The following TANGO6 variants were observed in gnomAD, a reference collection of about 807,000 sequenced individuals.
TANGO6 encodes the protein transport and golgi organization 6 homolog.
TANGO6 carries 90 observed loss-of-function variants against 114.2 expected under a neutral mutation model. The observed-to-expected ratio is 0.79, with a 90% CI of 0.66 to 0.94. The LOEUF is 0.94. TANGO6 is among the 40% of genes least tolerant of loss of function. The probability of loss-of-function intolerance (pLI) is 0.00; values close to 1 mark genes in which losing one functional copy is unlikely to be tolerated. For synonymous variants in TANGO6, 477 were observed against 509.8 expected (o/e 0.94, Z 0.87); for missense variants, 1,274 against 1,315.3 (o/e 0.97, Z 0.49).
At chr16:68,874,445 A>C (rs1209921950) in intron 4 of TANGO6, among the ~76,000 whole-genome samples, 1 of 152,104 alleles carries the variant, frequency 6.6e-6, no homozygotes, top group Non-Finnish European at 1.5e-5. Context: ...ATTTTGTCCA[A>C]TTTTATAATT....
intron 9 of TANGO6, among the ~76,000 whole-genome samples, chr16:68,906,698 C>T (rs570006995): frequency 6.6e-6 from 1 of 152,128 alleles, no homozygotes; most frequent in African/African-American, 2.4e-5. Context: ...GTCTCCCTGC[C>T]TCAGCCTCCT....
At chr16:68,984,142 G>T (rs559297576) in intron 15 of TANGO6, among the ~76,000 whole-genome samples, 1 of 152,230 alleles carries the variant, frequency 6.6e-6, no homozygotes, top group South Asian at 2.1e-4. Context: ...TTGGAAGTGT[G>T]AATAATTGGA....
intron 17 of TANGO6, among the ~76,000 whole-genome samples, chr16:69,074,703 G>A (rs542231906): frequency 5.5e-4 from 83 of 151,676 alleles, no homozygotes; most frequent in African/African-American, 1.7e-3. Flanking sequence ...ACATCTAGAG[G>A]TTAGGAATAC....
chr16:69,033,058 C>T (rs1422434255), intron 16 of TANGO6, among the ~76,000 whole-genome samples: 2 of 151,708 alleles, frequency 1.3e-5, no homozygotes, highest in Non-Finnish European at 2.9e-5. Context: ...TGGTGGCAGG[C>T]ACCTGTAATC....
chr16:69,056,564 G>A (rs187309330), intron 17 of TANGO6, among the ~76,000 whole-genome samples: 9 of 149,560 alleles, frequency 6.0e-5, no homozygotes, highest in Admixed American at 2.0e-4. Context: ...AGAAGTCTGC[G>A]AAGTCCTGCA....
chr16:69,003,207 G>A (rs988843317), intron 15 of TANGO6, among the ~76,000 whole-genome samples: 4 of 152,118 alleles, frequency 2.6e-5, no homozygotes, highest in African/African-American at 9.7e-5. Context: ...GATGCACAAG[G>A]TGTCTCCAAA....
intron 15 of TANGO6, among the ~76,000 whole-genome samples, chr16:69,002,730 C>G (rs151027464): frequency 6.6e-6 from 1 of 152,040 alleles, no homozygotes; most frequent in Non-Finnish European, 1.5e-5. Flanking sequence ...GATTTTTAAC[C>G]ATAGAGCACT....
intron 15 of TANGO6, among the ~76,000 whole-genome samples, chr16:68,988,360 C>A (rs999449161): frequency 6.6e-6 from 1 of 152,180 alleles, no homozygotes; most frequent in Non-Finnish European, 1.5e-5. Flanking sequence ...TTTTCTCCTG[C>A]CGCCTCAGAG....
intron 1 of TANGO6, among the ~76,000 whole-genome samples, chr16:68,849,015 A>G (rs1057179175): frequency 6.6e-6 from 1 of 152,136 alleles, no homozygotes; most frequent in Non-Finnish European, 1.5e-5. Flanking sequence ...TAGCAACCGC[A>G]ATGCGGACAC....
At chr16:68,865,454 GAGAT>G (rs1962161475) in intron 3 of TANGO6, among the ~76,000 whole-genome samples, 1 of 152,108 alleles carries the variant, frequency 6.6e-6, no homozygotes. Context: ...AAGAGGAACT[GAGAT>G]AGAAGAGCTG....
chr16:68,977,311 TG>T (rs1207896228), intron 15 of TANGO6, among the ~76,000 whole-genome samples: 2 of 149,504 alleles, frequency 1.3e-5, no homozygotes, highest in Non-Finnish European at 3.0e-5. Flanking sequence ...ATTTTGTTTT[TG>T]TTTTTTTTTT....
intron 15 of TANGO6, among the ~76,000 whole-genome samples, chr16:68,974,554 G>A (rs1282956159): frequency 2.0e-5 from 3 of 152,076 alleles, no homozygotes; most frequent in South Asian, 2.1e-4. Flanking sequence ...CCCACTACTC[G>A]GGAGGTTAAG....
At chr16:68,980,507 A>G (rs1013190098) in intron 15 of TANGO6, among the ~76,000 whole-genome samples, 8 of 146,714 alleles carry the variant, frequency 5.5e-5, no homozygotes, top group African/African-American at 2.0e-4. Context: ...GGGCTCAAGC[A>G]GTCCTCCTGC....
At chr16:68,956,677 A>G (rs2152207513) in intron 14 of TANGO6, among the ~76,000 whole-genome samples, 1 of 152,064 alleles carries the variant, frequency 6.6e-6, no homozygotes, top group East Asian at 1.9e-4. Flanking sequence ...ATATGGTAAA[A>G]CCCTGACTCT....
chr16:68,984,038 GAAAAAAA>G (rs1165109764), intron 15 of TANGO6, among the ~76,000 whole-genome samples: 2,067 of 73,348 alleles, frequency 0.028, 51 homozygotes, highest in African/African-American at 0.094. Flanking sequence ...GTCTCAAAAA[GAAAAAAA>G]AAAAAAAAAG....
chr16:68,990,454 G>A (rs1344415977), intron 15 of TANGO6, among the ~76,000 whole-genome samples: 2 of 152,088 alleles, frequency 1.3e-5, no homozygotes, highest in East Asian at 1.9e-4. Context: ...GGGGGAAACC[G>A]CCCCCATGAT....
intron 14 of TANGO6, among the ~76,000 whole-genome samples, chr16:68,935,209 G>A (rs572627621): frequency 9.2e-5 from 14 of 152,294 alleles, no homozygotes; most frequent in African/African-American, 3.4e-4. Flanking sequence ...CACTTGTCCT[G>A]TAGTACAGGA....
At chr16:68,933,081 T>C (rs1963263470) in intron 14 of TANGO6, among the ~76,000 whole-genome samples, 1 of 152,194 alleles carries the variant, frequency 6.6e-6, no homozygotes. Flanking sequence ...TCTCTGTAAC[T>C]TCTCAGATCT....
At chr16:68,845,948 G>C (rs1172355930) in intron 1 of TANGO6, among the ~76,000 whole-genome samples, 4 of 152,084 alleles carry the variant, frequency 2.6e-5, no homozygotes, top group African/African-American at 4.8e-5. Flanking sequence ...CACCTCCCGG[G>C]TTCGAGCAAT....
Sources: allele counts gnomAD v4.1 joint callset (sites outside exome capture counted in the v4.1 genomes callset), GRCh38; gene constraint gnomAD v4.1.1; transcripts MANE v1.5; gene names NCBI Gene and HGNC (gene_info 2026-07-23, HGNC 2026-07-21).